PRICKLE4: variants seen among roughly 807,000 people sequenced by gnomAD.
PRICKLE4 encodes prickle-like protein 4.
PRICKLE4 carries 40 observed loss-of-function variants against 43.5 expected under a neutral mutation model. That is an observed-to-expected ratio of 0.92 (90% confidence interval 0.71 to 1.20). The LOEUF is 1.20. Ranked by LOEUF, PRICKLE4 falls within the 50% of genes most tolerant of loss-of-function variation. The pLI is 0.00. For synonymous variants in PRICKLE4, 208 were observed against 197.4 expected (o/e 1.05, Z -0.45); for missense variants, 527 against 491.2 (o/e 1.07, Z -0.69).
rs772253877 is a variant in PRICKLE4 at position 41,785,504 on chromosome 6, A to G, written c.546A>G (p.Ala182=). The change falls in exon 6 of 8, where the codon GCA becomes GCG. Residue 182 remains alanine (A), a synonymous_variant. Transcript: ENST00000458694. ...AACTCTACTGCGGCCGTCATCATGC[A>G]GAGTTGCTGCGCCCGCGCTGCCCGG... ...DGQLYCGRHH[A]ELLRPRCPAC... The G allele has an allele frequency of 2.5e-6, 4 of 1,613,842 alleles. No homozygotes were observed. The South Asian group carries it at 3.3e-5, about 13-fold the overall frequency.
intron 6 of PRICKLE4, 149 bp from the exon 7 acceptor site, chr6:41,785,979 C>T (rs1284682127): frequency 1.8e-5 from 16 of 905,240 alleles, no homozygotes; most frequent in Non-Finnish European, 2.7e-5. Context: ...GCCAATCAGT[C>T]CTCCCTGCGT....
chr6:41,786,490 C>T (rs1772652309), intron 7 of PRICKLE4, 158 bp downstream of exon 7: 1 of 1,053,556 alleles, frequency 9.5e-7, no homozygotes. Flanking sequence ...CCGCAGCTCT[C>T]ACCGCGCATC....
At chr6:41,785,999 G>T (rs1023483377) in intron 6 of PRICKLE4, 129 bp from the exon 7 acceptor site, 1 of 1,043,194 alleles carries the variant, frequency 9.6e-7, no homozygotes, top group Admixed American at 2.1e-5. Flanking sequence ...TCCAAAAGTG[G>T]CTGAGTGAAT....
chr6:41,785,169 G>C, intron 5 of PRICKLE4, 97 bp downstream of exon 5: 2 of 1,575,516 alleles, frequency 1.3e-6, no homozygotes, highest in South Asian at 1.2e-5. Flanking sequence ...TTCTGGTTGG[G>C]AAACAGGAAA....
At chr6:41,781,313 GTGT>G (rs1225155259) in intron 1 of PRICKLE4, 34 bp from the exon 2 acceptor site, 4 of 152,780 alleles carry the variant, frequency 2.6e-5, no homozygotes, top group Non-Finnish European at 5.9e-5. Flanking sequence ...TGATTTCTGA[GTGT>G]TGTTTCTGTG....
rs1256553359 is a variant in PRICKLE4 at position 41,784,180 on chromosome 6, C to T, written c.182C>T (p.Ala61Val). The T allele has an allele frequency of 1.2e-6, 2 of 1,613,714 alleles. No homozygotes were observed. Among genetic ancestry groups the T allele is most frequent in the Admixed American group, 1.7e-5 (1 of 59,992 alleles). The change falls in exon 4 of 8, where the codon GCC becomes GTC. Residue 61 changes from alanine (A) to valine (V), a missense_variant. By Grantham distance (64) the Ala-to-Val change is moderately conservative (BLOSUM62 0). Transcript: ENST00000458694. ...TCCCTTTGCCTGGACACCAACCAAGCCCCCAACTGGACTGGACTTCAGACC... is the reference window on the plus strand; with the variant it reads ...TCCCTTTGCCTGGACACCAACCAAGTCCCCAACTGGACTGGACTTCAGACC... ...LGSLCLDTNQ[A>V]PNWTGLQTLL...
rs758008993 is a variant in PRICKLE4 at position 41,786,845 on chromosome 6, G to C, written c.871G>C (p.Ala291Pro). 1.9e-6 allele frequency: 3 copies of C among 1,602,158 alleles called. No individual in the cohort carries two copies. The change falls in exon 8 of 8, where the codon GCC becomes CCC. Residue 291 changes from alanine (A) to proline (P), a missense_variant. By Grantham distance (27) the Ala-to-Pro change is conservative. Transcript: ENST00000458694. Reference protein sequence around the residue: ...ATLSRTLLAAAGGSSLQTQRG... With the variant: ...ATLSRTLLAAPGGSSLQTQRG... Reference sequence around the variant, plus strand: ...CCTCTCCCGAACACTCCTCGCTGCTGCCGGCGGTTCCAGCCTGCAAACTCA... The same window carrying C: ...CCTCTCCCGAACACTCCTCGCTGCTCCCGGCGGTTCCAGCCTGCAAACTCA...
chr6:41,785,704 G>A (rs549115565), intron 6 of PRICKLE4, among the ~76,000 whole-genome samples, 164 bp downstream of exon 6: 3 of 152,134 alleles, frequency 2.0e-5, no homozygotes, highest in Non-Finnish European at 2.9e-5. Context: ...TTGAGCTCTG[G>A]GCATGTAGGA....
chr6:41,784,202 G>C lies in PRICKLE4; in HGVS notation c.204G>C (p.Gln68His), dbSNP rs1422135675. The change falls in exon 4 of 8, where the codon CAG becomes CAC. Residue 68 changes from glutamine (Q) to histidine (H), a missense_variant. Transcript: ENST00000458694. ...AAGCCCCCAACTGGACTGGACTTCA[G>C]ACCCTCCTGCAGCAACTCCCTCCGC... ...TNQAPNWTGL[Q>H]TLLQQLPPQD... 3.1e-6 allele frequency: 5 copies of C among 1,613,842 alleles called. No individual in the cohort carries two copies. The African/African-American group carries it at 4.0e-5, about 13-fold the overall frequency.
chr6:41,783,345 C>T, intron 2 of PRICKLE4, 117 bp from the exon 3 acceptor site: 4 of 1,101,580 alleles, frequency 3.6e-6, no homozygotes, highest in Non-Finnish European at 5.0e-6. Context: ...GATAATGCTA[C>T]CTAAGTCGTT....
chr6:41,786,355 A>C (rs779318550), intron 7 of PRICKLE4, 23 bp downstream of exon 7: 6 of 1,547,180 alleles, frequency 3.9e-6, no homozygotes, highest in Non-Finnish European at 5.2e-6. Context: ...ATGCAGAGCA[A>C]AGCGGGAGGG....
chr6:41,781,696 G>C (rs1185145928), intron 2 of PRICKLE4, among the ~76,000 whole-genome samples, 176 bp downstream of exon 2: 1 of 152,152 alleles, frequency 6.6e-6, no homozygotes, highest in East Asian at 1.9e-4. Context: ...GGGATTTGAT[G>C]ATGACCCTCC....
chr6:41,784,380 CCT>C (rs1270626667), intron 4 of PRICKLE4, 142 bp downstream of exon 4: 19 of 658,958 alleles, frequency 2.9e-5, no homozygotes, highest in South Asian at 2.3e-4. Context: ...TCATTCTCCC[CCT>C]GCCTGAGTTT....
At chr6:41,783,673 C>T (rs1772588970) in intron 3 of PRICKLE4, 68 bp downstream of exon 3, 2 of 1,610,876 alleles carry the variant, frequency 1.2e-6, no homozygotes, top group Admixed American at 3.3e-5. Flanking sequence ...CACCCTTTTC[C>T]ACCAACCCGG....
chr6:41,785,998 G>C, intron 6 of PRICKLE4, 130 bp from the exon 7 acceptor site: 1 of 1,031,122 alleles, frequency 9.7e-7, no homozygotes, highest in South Asian at 1.5e-5. Context: ...GTCCAAAAGT[G>C]GCTGAGTGAA....
At chr6:41,783,739 C>T in intron 3 of PRICKLE4, 134 bp downstream of exon 3, 1 of 1,272,790 alleles carries the variant, frequency 7.9e-7, no homozygotes, top group Non-Finnish European at 1.1e-6. Context: ...TTCAGGAATT[C>T]CTGTCTCTGC....
chr6:41,786,967 T>C lies in PRICKLE4; in HGVS notation c.993T>C (p.Ile331=), dbSNP rs1772670827. 1 of 1,614,046 alleles carries C rather than the reference T, an allele frequency of 6.2e-7. No homozygotes were observed. Among genetic ancestry groups the C allele is most frequent in the Non-Finnish European group, 8.5e-7 (1 of 1,179,982 alleles). ...AGGAGCAATGCCGCCTGGAGACTAT[T>C]CGTGATCCCAAGGACACCCCTTTCT... ...KGQEQCRLET[I]RDPKDTPFST... Residue 331 remains isoleucine, a synonymous_variant, in exon 8 of 8, where the codon ATT becomes ATC. Coordinates refer to ENST00000458694, the MANE Select transcript of PRICKLE4 (RefSeq NM_013397.6).
Position 41,783,504 on chromosome 6 carries a change from C to A in PRICKLE4, c.31C>A (p.Gln11Lys), listed in dbSNP as rs762895859. 1 of 1,570,154 alleles carries A rather than the reference C, an allele frequency of 6.4e-7. No homozygotes were observed. Among genetic ancestry groups the A allele is most frequent in the East Asian group, 2.2e-5 (1 of 44,656 alleles). The change falls in exon 3 of 8, where the codon CAA (glutamine) becomes AAA (lysine). Residue 11 changes from glutamine to lysine, a missense_variant. Transcript: ENST00000458694. MSVQNSGWPH[Q>K]EDSPKPQDPG... ...AGTGCAGAACTCTGGCTGGCCCCAC[C>A]AAGAAGACAGCCCCAAGCCCCAGGA...
chr6:41,785,758 A>G (rs765636830), intron 6 of PRICKLE4, among the ~76,000 whole-genome samples: 1 of 152,170 alleles, frequency 6.6e-6, no homozygotes, highest in Non-Finnish European at 1.5e-5. Context: ...AGAGTCCCTC[A>G]AATGTTCCTG....
Sources: gnomAD v4.1 joint callset for allele counts (sites outside exome capture counted in the v4.1 genomes callset) on GRCh38, gnomAD v4.1.1 for gene constraint, MANE v1.5 for transcripts, NCBI Gene and HGNC (gene_info 2026-07-23, HGNC 2026-07-21) for gene names.